SLC4A5: variants seen among roughly 807,000 people sequenced by gnomAD.
SLC4A5 encodes solute carrier family 4 member 5.
Under a neutral mutation model 120.4 loss-of-function variants are expected in SLC4A5, and 96 were observed. The ratio of observed to expected loss-of-function variants is 0.80; its 90% CI spans 0.68 to 0.94. The LOEUF is 0.94. SLC4A5 is among the 40% of genes least tolerant of loss of function. SLC4A5 has a pLI of 0.00. For missense variants in SLC4A5, 1,259 were observed against 1,459.5 expected, an observed-to-expected ratio of 0.86 and a Z score of 2.24; for synonymous variants, 550 against 571.1, an observed-to-expected ratio of 0.96 and a Z score of 0.53.
rs144018908 is a variant in SLC4A5 at position 74,279,328 on chromosome 2, G to A, written c.401+6445C>T. ...GGGAGTAGGTCCATCCTGCGGATGC[G>A]CTTCAGTTCTTGCGGTACTTCTTAT... On this transcript the variant is annotated intron_variant, in intron 8 of 30. Coordinates refer to ENST00000394019, the Ensembl canonical transcript of SLC4A5. Among the ~76,000 whole-genome samples, 138 of 152,264 alleles carry A rather than the reference G, an allele frequency of 9.1e-4. 1 individual carries two copies. The highest frequency in any genetic ancestry group is 3.1e-3 in the African/African-American group (129 of 41,544).
intron 7 of SLC4A5, among the ~76,000 whole-genome samples, chr2:74,299,755 T>C (rs564561039): frequency 5.6e-4 from 86 of 152,326 alleles, no homozygotes; most frequent in Non-Finnish European, 1.1e-3. Flanking sequence ...AGGGAACACT[T>C]GTGCACTGTT....
At chr2:74,226,847 G>T (rs566757996) in intron 27 of SLC4A5, 110 bp downstream of exon 27, 1 of 1,316,746 alleles carries the variant, frequency 7.6e-7, no homozygotes, top group East Asian at 2.3e-5. Context: ...AGGGAGCCAG[G>T]CCACAGCTGA....
chr2:74,232,510 C>T, exon 24 of SLC4A5: 1 of 1,614,092 alleles, frequency 6.2e-7, no homozygotes, highest in Non-Finnish European at 8.5e-7. Flanking sequence ...GGGCACTGGT[C>T]TCTGTCTCCA....
chr2:74,221,416 C>G lies in SLC4A5; in HGVS notation c.*33+18G>C, dbSNP rs369311884. The G allele has an allele frequency of 6.3e-6, 10 of 1,581,190 alleles. No homozygotes were observed. Among genetic ancestry groups the G allele is most frequent in the African/African-American group, 5.4e-5 (4 of 74,360 alleles). On this transcript the variant is annotated intron_variant, in intron 30 of 30. Coordinates refer to ENST00000394019, the Ensembl canonical transcript of SLC4A5. ...GTCTCTTACCTAATACGCAAGGAGT[C>G]TACCTAACAGTGTTTACCTTCGGTC...
intron 6 of SLC4A5, 115 bp from the exon 7 acceptor site, chr2:74,304,795 A>C (rs1672589769): frequency 8.7e-6 from 9 of 1,037,572 alleles, no homozygotes; most frequent in Admixed American, 2.6e-5. Flanking sequence ...GAAGACATGG[A>C]GTGCCAGGAT....
chr2:74,278,545 C>A (rs766247401), intron 8 of SLC4A5, among the ~76,000 whole-genome samples: 1 of 152,140 alleles, frequency 6.6e-6, no homozygotes, highest in Non-Finnish European at 1.5e-5. Flanking sequence ...TGTTACACTG[C>A]CAGCTGTGAG....
chr2:74,255,515 G>A lies in SLC4A5; in HGVS notation c.1025+260C>T, dbSNP rs1484933431. Among the ~76,000 whole-genome samples the A allele has an allele frequency of 2.0e-5, 3 of 151,910 alleles. No homozygotes were observed. Among genetic ancestry groups the A allele is most frequent in the Admixed American group, 2.0e-4 (3 of 15,236 alleles). ...TCACCTTGTTGGCCAGGCTGGTCTC[G>A]AACTCCTGACCTCATGATCTGCCCA... On this transcript the variant is annotated intron_variant, in intron 13 of 30. Coordinates refer to ENST00000394019, the Ensembl canonical transcript of SLC4A5. This position sits in a 1 kb window ranked among gnomAD's most constrained non-coding sequence, Gnocchi z 4.0.
chr2:74,324,286 G>C (rs1673167263), intron 5 of SLC4A5, among the ~76,000 whole-genome samples: 1 of 152,010 alleles, frequency 6.6e-6, no homozygotes, highest in African/African-American at 2.4e-5. Flanking sequence ...TTGGAGTTGG[G>C]GTCTCGCTTT....
chr2:74,314,838 A>G, intron 6 of SLC4A5, 107 bp downstream of exon 6: 1 of 1,022,982 alleles, frequency 9.8e-7, no homozygotes, highest in Non-Finnish European at 1.5e-6. Context: ...GAGTCAGGAA[A>G]AGGGACCTGC....
At chr2:74,247,203 T>C in exon 19 of SLC4A5, 1 of 1,614,182 alleles carries the variant, frequency 6.2e-7, no homozygotes, top group Non-Finnish European at 8.5e-7. Context: ...GCGGGTGATA[T>C]ATTTGATGAT....
intron 7 of SLC4A5, chr2:74,290,313 C>T (rs763772493): frequency 3.3e-4 from 329 of 985,558 alleles, no homozygotes; most frequent in Non-Finnish European, 3.7e-4. Context: ...AGCCTGCTTC[C>T]GCTGCTGCCT....
At chr2:74,334,937 G>A (rs1257620533) in intron 3 of SLC4A5, among the ~76,000 whole-genome samples, 1 of 152,102 alleles carries the variant, frequency 6.6e-6, no homozygotes, top group African/African-American at 2.4e-5. Flanking sequence ...CGGGGAGGGG[G>A]ATGAGCAGTA....
chr2:74,315,447 G>GAAAAAAAAAAAAAAAAA (rs57640033), intron 5 of SLC4A5, among the ~76,000 whole-genome samples: 1 of 83,128 alleles, frequency 1.2e-5, no homozygotes, highest in Non-Finnish European at 3.1e-5. Context: ...CTTACGAAAA[G>GAAAAAAAAAAAAAAAAA]AAAAAAAAAA....
intron 4 of SLC4A5, among the ~76,000 whole-genome samples, chr2:74,330,481 T>C (rs1449075172): frequency 1.3e-5 from 2 of 150,700 alleles, no homozygotes; most frequent in Non-Finnish European, 3.0e-5. Flanking sequence ...GTGAGGGTGG[T>C]GAGGTGTAGA....
At chr2:74,338,359 C>T (rs1481420312) in intron 3 of SLC4A5, among the ~76,000 whole-genome samples, 1 of 152,084 alleles carries the variant, frequency 6.6e-6, no homozygotes, top group East Asian at 1.9e-4. Flanking sequence ...TGCAAATCAG[C>T]ACCACAATGA....
intron 28 of SLC4A5, among the ~76,000 whole-genome samples, chr2:74,224,443 C>T (rs1438313185): frequency 6.6e-6 from 1 of 152,162 alleles, no homozygotes; most frequent in Non-Finnish European, 1.5e-5. Flanking sequence ...CTTATAAGGC[C>T]CCATTAGACA....
chr2:74,243,273 T>C (rs2103957891), intron 19 of SLC4A5, among the ~76,000 whole-genome samples: 1 of 152,328 alleles, frequency 6.6e-6, no homozygotes, highest in Non-Finnish European at 1.5e-5. Flanking sequence ...GTCCTTCCTT[T>C]GCTCCTCATT....
intron 15 of SLC4A5, 25 bp downstream of exon 15, chr2:74,252,949 C>T (rs776722164): frequency 2.7e-5 from 43 of 1,613,074 alleles, no homozygotes; most frequent in East Asian, 1.8e-4. Context: ...CTTTTTCTCT[C>T]CCTACTGCCC....
intron 30 of SLC4A5, among the ~76,000 whole-genome samples, chr2:74,219,091 TCACAAA>T (rs906244879): frequency 6.6e-5 from 10 of 152,062 alleles, no homozygotes; most frequent in African/African-American, 7.2e-5. Flanking sequence ...TCTTGTCTTC[TCACAAA>T]CACAAACACA....
Sources: gnomAD v4.1 joint callset for allele counts (sites outside exome capture counted in the v4.1 genomes callset) on GRCh38, gnomAD v4.1.1 for gene constraint, Gnocchi (gnomAD v3.1) non-coding constraint, MANE v1.5 for transcripts, NCBI Gene and HGNC (gene_info 2026-07-23, HGNC 2026-07-21) for gene names.